The following ADAMTS9 variants were observed in gnomAD, a reference collection of about 807,000 sequenced individuals.
ADAMTS9 encodes A disintegrin and metalloproteinase with thrombospondin motifs 9.
Under a neutral mutation model 257.1 loss-of-function variants are expected in ADAMTS9, and 107 were observed. That is an observed-to-expected ratio of 0.42 (90% CI 0.36 to 0.49). The LOEUF (loss-of-function observed/expected upper bound fraction) is 0.49, where lower values mean the gene tolerates loss of function less well. Ranked by LOEUF, ADAMTS9 falls within the 20% of genes least tolerant of loss-of-function variation. The pLI is 0.03. For missense variants in ADAMTS9, 2,353 were observed against 2,469.1 expected (o/e 0.95, Z 1.00); for synonymous variants, 982 against 880.9 (o/e 1.11, Z -2.03).
At chr3:64,648,516 C>T (rs1313108312) in intron 10 of ADAMTS9, among the ~76,000 whole-genome samples, 1 of 152,134 alleles carries the variant, frequency 6.6e-6, no homozygotes, top group Non-Finnish European at 1.5e-5. Context: ...TAGATCTATT[C>T]CATTTGCTAT....
At chr3:64,618,148 C>T (rs1280352438) in intron 19 of ADAMTS9, among the ~76,000 whole-genome samples, 1 of 152,130 alleles carries the variant, frequency 6.6e-6, no homozygotes, top group African/African-American at 2.4e-5. Flanking sequence ...GAGCATGCAC[C>T]TGTCTAATGA....
intron 28 of ADAMTS9, chr3:64,587,963 A>G (rs932048476): frequency 6.6e-6 from 1 of 152,164 alleles, no homozygotes; most frequent in Non-Finnish European, 1.5e-5. Context: ...AGAAGGCAGA[A>G]GATTAGGTTC....
chr3:64,622,431 G>A lies in ADAMTS9; in HGVS notation c.2545C>T (p.Leu849Phe). Residue 849 changes from leucine to phenylalanine, a missense_variant, in exon 17 of 40, where the codon CTT (leucine) becomes TTT (phenylalanine). By Grantham distance (22) the Leu-to-Phe change is conservative (BLOSUM62 0). Transcript: ENST00000498707. ...GGTCAAGTTTTTACCTGAAGCAAAAGTTCTTGCTCAATGCGATCTGTTGAG... is the reference window on the plus strand; with the variant it reads ...GGTCAAGTTTTTACCTGAAGCAAAAATTCTTGCTCAATGCGATCTGTTGAG... ...INSTDRIEQE[L>F]LLQVLSVGKL... The A allele has an allele frequency of 6.2e-7, 1 of 1,613,938 alleles. No individual in the cohort carries two copies. The highest frequency in any genetic ancestry group is 8.5e-7 in the Non-Finnish European group (1 of 1,179,960).
chr3:64,654,715 G>T, intron 6 of ADAMTS9, 103 bp from the exon 7 acceptor site: 1 of 1,308,792 alleles, frequency 7.6e-7, no homozygotes, highest in Non-Finnish European at 1.1e-6. Flanking sequence ...TACACACTTT[G>T]GGGTGGGGGT....
At chr3:64,554,802 A>G (rs1413322053) in intron 30 of ADAMTS9, among the ~76,000 whole-genome samples, 2 of 152,190 alleles carry the variant, frequency 1.3e-5, no homozygotes, top group African/African-American at 4.8e-5. Flanking sequence ...TAACAGGGGG[A>G]AAAGAACTTC....
intron 37 of ADAMTS9, among the ~76,000 whole-genome samples, chr3:64,533,553 G>C (rs1026497428): frequency 1.3e-5 from 2 of 152,312 alleles, no homozygotes; most frequent in Admixed American, 1.3e-4. Flanking sequence ...GATACGGTAG[G>C]AGTCCAACTC....
At chr3:64,600,230 T>C (rs565585807) in intron 26 of ADAMTS9, among the ~76,000 whole-genome samples, 2 of 152,266 alleles carry the variant, frequency 1.3e-5, no homozygotes, top group African/African-American at 2.4e-5. Context: ...AGGAAGACCA[T>C]GTACAGTTTG....
At chr3:64,595,784 C>G (rs576529937) in intron 27 of ADAMTS9, among the ~76,000 whole-genome samples, 1 of 139,198 alleles carries the variant, frequency 7.2e-6, no homozygotes, top group Admixed American at 7.3e-5. Flanking sequence ...GCCCATCAAT[C>G]TCATTTGTCT....
chr3:64,610,415 AAT>A (rs995145271), intron 22 of ADAMTS9, among the ~76,000 whole-genome samples: 3 of 152,176 alleles, frequency 2.0e-5, no homozygotes, highest in Non-Finnish European at 4.4e-5. Flanking sequence ...CAGATCAAAA[AAT>A]GAGAAAAGGA....
chr3:64,648,589 A>T (rs886510704), intron 10 of ADAMTS9, among the ~76,000 whole-genome samples: 1 of 152,226 alleles, frequency 6.6e-6, no homozygotes, highest in Non-Finnish European at 1.5e-5. Context: ...TATTAAAATA[A>T]ACCACACTTA....
intron 38 of ADAMTS9, among the ~76,000 whole-genome samples, chr3:64,526,623 G>A (rs2106879412): frequency 6.6e-6 from 1 of 152,292 alleles, no homozygotes; most frequent in East Asian, 1.9e-4. Context: ...AATGTCTTCT[G>A]TATCATCAAA....
chr3:64,613,405 T>G lies in ADAMTS9; in HGVS notation c.3294A>C (p.Thr1098=), dbSNP rs147391256. ...CCGGCTGCTGACAAGTCTGCATAGA[T>G]GTTGGCTTGGTCTCAGGGTCACACA... ...DRMCDPETKP[T]SMQTCQQPEC... The change falls in exon 22 of 40, where the codon ACA becomes ACC. Residue 1098 remains threonine, a synonymous_variant. Coordinates refer to ENST00000498707, the MANE Select transcript of ADAMTS9 (RefSeq NM_182920.2). 5.1e-5 allele frequency: 83 copies of G among 1,613,930 alleles called. No homozygotes were observed. The highest frequency in any genetic ancestry group is 7.0e-5 in the Non-Finnish European group (83 of 1,179,930).
At chr3:64,565,559 T>C (rs1473284678) in intron 29 of ADAMTS9, 6 of 152,262 alleles carry the variant, frequency 3.9e-5, no homozygotes, top group Non-Finnish European at 5.9e-5. Flanking sequence ...GATTAATGCA[T>C]TGGTGTGTTA....
chr3:64,580,034 C>T (rs146472654), intron 28 of ADAMTS9, among the ~76,000 whole-genome samples: 3 of 152,200 alleles, frequency 2.0e-5, no homozygotes, highest in East Asian at 1.9e-4. Flanking sequence ...ACATACCCTG[C>T]GTGTCATATA....
At chr3:64,615,104 C>T (rs2084736729) in intron 21 of ADAMTS9, 3 of 499,690 alleles carry the variant, frequency 6.0e-6, no homozygotes, top group Admixed American at 3.8e-5. Context: ...AGTGATCTAG[C>T]CAAGCCCAAA....
intron 4 of ADAMTS9, among the ~76,000 whole-genome samples, chr3:64,656,307 T>C (rs1261311980): frequency 6.6e-6 from 1 of 152,236 alleles, no homozygotes; most frequent in Non-Finnish European, 1.5e-5. Flanking sequence ...GTGGGGTTTT[T>C]ATTTTTGCAG....
chr3:64,682,678 C>T (rs1386646723), intron 2 of ADAMTS9, among the ~76,000 whole-genome samples: 10 of 152,320 alleles, frequency 6.6e-5, no homozygotes, highest in South Asian at 2.1e-4. Flanking sequence ...CAGCTGCATC[C>T]GCATCAGCAT....
At chr3:64,656,851 G>C (rs182230205) in intron 4 of ADAMTS9, among the ~76,000 whole-genome samples, 10 of 152,044 alleles carry the variant, frequency 6.6e-5, no homozygotes, top group Non-Finnish European at 1.5e-4. Context: ...TAGGCCACAA[G>C]GGGGGAAGAA....
At chr3:64,565,442 G>C (rs1271851049) in intron 29 of ADAMTS9, 1 of 152,216 alleles carries the variant, frequency 6.6e-6, no homozygotes, top group Non-Finnish European at 1.5e-5. Flanking sequence ...AGGAAATCAT[G>C]ACATTGCATA....
Sources: allele counts gnomAD v4.1 joint callset (sites outside exome capture counted in the v4.1 genomes callset), GRCh38; gene constraint gnomAD v4.1.1; transcripts MANE v1.5; gene names NCBI Gene and HGNC (gene_info 2026-07-23, HGNC 2026-07-21).